The following SLCO6A1 variants were observed in gnomAD, a reference collection of about 807,000 sequenced individuals.
SLCO6A1 encodes the protein solute carrier organic anion transporter family member 6A1, also known as cancer/testis antigen 48.
Under a neutral mutation model 72.7 loss-of-function variants are expected in SLCO6A1, and 65 were observed. That is an observed-to-expected ratio of 0.89 (90% CI 0.73 to 1.10). The LOEUF (loss-of-function observed/expected upper bound fraction) is 1.10. SLCO6A1 is among the 50% of genes least tolerant of loss of function. SLCO6A1 has a pLI of 0.00. For synonymous variants in SLCO6A1, 314 were observed against 298.2 expected, an observed-to-expected ratio of 1.05 and a Z score of -0.55; for missense variants, 874 against 872.6, an observed-to-expected ratio of 1.00 and a Z score of -0.02.
chr5:102,467,228 G>C (rs577159417), intron 4 of SLCO6A1, among the ~76,000 whole-genome samples: 5 of 151,784 alleles, frequency 3.3e-5, no homozygotes, highest in African/African-American at 1.2e-4. Flanking sequence ...ATGAAGTTCT[G>C]ATTTCTTTGT....
At chr5:102,496,424 C>T (rs1288985266) in intron 1 of SLCO6A1, among the ~76,000 whole-genome samples, 1 of 151,820 alleles carries the variant, frequency 6.6e-6, no homozygotes, top group Non-Finnish European at 1.5e-5. Context: ...AATATTATAC[C>T]CAAACTGAGC....
intron 3 of SLCO6A1, among the ~76,000 whole-genome samples, chr5:102,477,172 G>A (rs1751943167): frequency 6.6e-6 from 1 of 151,940 alleles, no homozygotes. Context: ...TGTCACCCAG[G>A]CAGCAATGGT....
chr5:102,470,870 G>A (rs1751572606), intron 4 of SLCO6A1, among the ~76,000 whole-genome samples: 2 of 152,070 alleles, frequency 1.3e-5, no homozygotes, highest in African/African-American at 4.8e-5. Flanking sequence ...GAGGTAGCAG[G>A]GGAATGCAGT....
At chr5:102,416,838 TGG>T (rs1158427634) in intron 8 of SLCO6A1, among the ~76,000 whole-genome samples, 2 of 152,196 alleles carry the variant, frequency 1.3e-5, no homozygotes, top group African/African-American at 2.4e-5. Flanking sequence ...TATTGTTATG[TGG>T]GCCATTTCTA....
intron 6 of SLCO6A1, among the ~76,000 whole-genome samples, chr5:102,441,797 G>A (rs1198918899): frequency 6.6e-6 from 1 of 151,396 alleles, no homozygotes; most frequent in Admixed American, 6.6e-5. Context: ...ACAGTTTTGT[G>A]ATTACTTTTT....
chr5:102,400,733 GTT>G (rs1747352229), intron 9 of SLCO6A1, among the ~76,000 whole-genome samples: 1 of 152,072 alleles, frequency 6.6e-6, no homozygotes, highest in African/African-American at 2.4e-5. Flanking sequence ...TTGAATCTGG[GTT>G]ATTCAGAAAA....
At position 102,498,985 on chromosome 5, in the gene SLCO6A1, G is replaced by C; in HGVS notation, c.-141C>G. 2 of 769,828 alleles carry C rather than the reference G, an allele frequency of 2.6e-6. No individual in the cohort carries two copies. The highest frequency in any genetic ancestry group is 4.2e-6 in the Non-Finnish European group (2 of 473,852). 47.7% of individuals were successfully genotyped at this position (769,828 alleles called of 1,614,324 possible). ...GGGGCTCTTGCCGCCCAAGCCTCCA[G>C]AGCGAACGTTTCTCCTAGGGCAGGA... On this transcript the variant is annotated 5_prime_UTR_variant, in exon 1 of 14. Transcript: ENST00000506729.
chr5:102,414,625 G>C (rs1748172961), intron 8 of SLCO6A1, among the ~76,000 whole-genome samples: 1 of 152,146 alleles, frequency 6.6e-6, no homozygotes, highest in Admixed American at 6.6e-5. Context: ...CGGGCACGAT[G>C]GCTCATGCCT....
chr5:102,418,591 G>A (rs939364321), intron 8 of SLCO6A1, among the ~76,000 whole-genome samples: 4 of 151,954 alleles, frequency 2.6e-5, no homozygotes, highest in South Asian at 2.1e-4. Flanking sequence ...ATATTTTATA[G>A]CTTTGGATCA....
At chr5:102,496,114 T>C (rs1400440485) in intron 1 of SLCO6A1, among the ~76,000 whole-genome samples, 1 of 152,184 alleles carries the variant, frequency 6.6e-6, no homozygotes. Context: ...ACGATGGTTA[T>C]GTAAGAGAGT....
At chr5:102,484,765 A>T (rs1752367469) in intron 1 of SLCO6A1, among the ~76,000 whole-genome samples, 2 of 152,176 alleles carry the variant, frequency 1.3e-5, no homozygotes. Flanking sequence ...TACATCAGAA[A>T]TTTTTTTAAA....
intron 9 of SLCO6A1, among the ~76,000 whole-genome samples, chr5:102,409,892 TTCCAGGGAA>T (rs1242553880): frequency 2.0e-5 from 3 of 152,170 alleles, no homozygotes; most frequent in Non-Finnish European, 2.9e-5. Context: ...CTCTTGAATA[TTCCAGGGAA>T]TCAAAACATC....
chr5:102,377,590 T>G (rs188275005), intron 12 of SLCO6A1, among the ~76,000 whole-genome samples: 58 of 152,144 alleles, frequency 3.8e-4, no homozygotes, highest in African/African-American at 1.3e-3. Flanking sequence ...GTTAATTTTA[T>G]TAATTACACC....
intron 8 of SLCO6A1, 110 bp downstream of exon 8, chr5:102,419,716 C>T: frequency 1.2e-6 from 1 of 861,526 alleles, no homozygotes; most frequent in Non-Finnish European, 1.8e-6. Context: ...TTTGATAATT[C>T]CAATAATTAT....
At chr5:102,378,699 CT>C (rs1745939323) in intron 12 of SLCO6A1, among the ~76,000 whole-genome samples, 1 of 152,016 alleles carries the variant, frequency 6.6e-6, no homozygotes, top group Non-Finnish European at 1.5e-5. Flanking sequence ...TAGTTGTGTT[CT>C]TTTCATTTTC....
chr5:102,464,524 G>C (rs7732942), intron 4 of SLCO6A1, among the ~76,000 whole-genome samples: 1 of 151,954 alleles, frequency 6.6e-6, no homozygotes, highest in Non-Finnish European at 1.5e-5. Flanking sequence ...AAAAGGGACT[G>C]TTTAAGTGAC....
At chr5:102,439,467 TA>T (rs1749719781) in intron 6 of SLCO6A1, among the ~76,000 whole-genome samples, 1 of 152,184 alleles carries the variant, frequency 6.6e-6, no homozygotes, top group Non-Finnish European at 1.5e-5. Context: ...TACATATTTC[TA>T]ATTTATTTAA....
At chr5:102,402,877 G>C (rs1747474283) in intron 9 of SLCO6A1, among the ~76,000 whole-genome samples, 2 of 152,102 alleles carry the variant, frequency 1.3e-5, no homozygotes, top group African/African-American at 4.8e-5. Flanking sequence ...CAAATGGCTT[G>C]CAAGCCATTG....
intron 1 of SLCO6A1, among the ~76,000 whole-genome samples, chr5:102,489,727 G>A (rs907382168): frequency 2.0e-5 from 3 of 152,036 alleles, no homozygotes; most frequent in East Asian, 1.9e-4. Flanking sequence ...CAAATGATCC[G>A]GCAATTCTGC....
Sources: gnomAD v4.1 joint callset for allele counts (sites outside exome capture counted in the v4.1 genomes callset) on GRCh38, gnomAD v4.1.1 for gene constraint, MANE v1.5 for transcripts, NCBI Gene and HGNC (gene_info 2026-07-23, HGNC 2026-07-21) for gene names.